The following PDE7B variants were observed in gnomAD, a reference collection of about 807,000 sequenced individuals.
PDE7B encodes 3',5'-cyclic-AMP phosphodiesterase 7B.
A neutral mutation model predicts 56.2 loss-of-function variants in PDE7B; 29 were observed. The ratio of observed to expected loss-of-function variants is 0.52; its 90% CI spans 0.38 to 0.70. The LOEUF is 0.70. Among genes scored for constraint, PDE7B ranks in the 30% least tolerant of loss-of-function variants. The pLI, the probability that PDE7B is intolerant of heterozygous loss-of-function variation, is 0.00. For missense variants in PDE7B, 490 were observed against 565.0 expected (o/e 0.87, Z 1.35); for synonymous variants, 197 against 196.9 (o/e 1.00, Z 0.00).
chr6:136,061,012 TA>T (rs1315481305), intron 2 of PDE7B, among the ~76,000 whole-genome samples: 1 of 152,178 alleles, frequency 6.6e-6, no homozygotes, highest in South Asian at 2.1e-4. Context: ...AATAATTATT[TA>T]CTGAATGCAT....
At chr6:135,947,425 T>C (rs767583383) in intron 1 of PDE7B, 39 bp from the exon 2 acceptor site, 2 of 1,487,412 alleles carry the variant, frequency 1.3e-6, no homozygotes, top group South Asian at 2.3e-5. Context: ...AATCTTGATA[T>C]GAAATCTTAA....
intron 2 of PDE7B, among the ~76,000 whole-genome samples, chr6:135,972,233 CAAAAAAAA>C (rs72005772): frequency 3.1e-5 from 2 of 65,190 alleles, no homozygotes; most frequent in East Asian, 5.5e-4. Context: ...AAACTGTTCT[CAAAAAAAA>C]AAAAAAAAAA....
chr6:135,919,986 AT>A (rs566784615), intron 1 of PDE7B, among the ~76,000 whole-genome samples: 48 of 152,146 alleles, frequency 3.2e-4, no homozygotes, highest in Admixed American at 6.5e-4. Context: ...TGCTATCCTT[AT>A]TTTATAAATA....
intron 2 of PDE7B, among the ~76,000 whole-genome samples, chr6:136,107,653 G>A (rs1391421896): frequency 1.3e-5 from 2 of 152,058 alleles, no homozygotes; most frequent in Admixed American, 1.3e-4. Flanking sequence ...TTATAAATGA[G>A]GCGTCTGAGG....
intron 2 of PDE7B, among the ~76,000 whole-genome samples, chr6:136,009,553 C>T (rs1367980218): frequency 6.6e-6 from 1 of 152,106 alleles, no homozygotes; most frequent in Non-Finnish European, 1.5e-5. Context: ...TCCTTCACAT[C>T]CCTTGTAAGT....
intron 1 of PDE7B, among the ~76,000 whole-genome samples, chr6:135,924,113 T>G (rs1360731892): frequency 6.6e-6 from 1 of 152,216 alleles, no homozygotes; most frequent in Admixed American, 6.5e-5. Context: ...TGAATAAATT[T>G]TCTAGACCTG....
chr6:136,018,621 TCAAAA>T (rs1554274183), intron 2 of PDE7B, among the ~76,000 whole-genome samples: 1 of 152,082 alleles, frequency 6.6e-6, no homozygotes, highest in Non-Finnish European at 1.5e-5. Context: ...CACAAGTAAC[TCAAAA>T]CAAAATAATA....
chr6:136,141,040 T>C lies in PDE7B; in HGVS notation c.167-6311T>C, dbSNP rs1008011324. ...GGTGAGAGAGGGCATCCCTGTATTGTGCCAGTTTTCAAAGGGAATGCTTCC... is the reference window on the plus strand; with the variant it reads ...GGTGAGAGAGGGCATCCCTGTATTGCGCCAGTTTTCAAAGGGAATGCTTCC... On this transcript the variant is annotated intron_variant, in intron 3 of 12. Coordinates refer to ENST00000308191, the MANE Select transcript of PDE7B (RefSeq NM_018945.4). 1.2e-4 allele frequency among the ~76,000 whole-genome samples: 18 copies of C among 152,310 alleles called. 1 individual carries two copies. The highest frequency in any genetic ancestry group is 3.8e-4 in the African/African-American group (16 of 41,564).
At chr6:135,977,836 A>G (rs796664174) in intron 2 of PDE7B, among the ~76,000 whole-genome samples, 5 of 151,960 alleles carry the variant, frequency 3.3e-5, no homozygotes, top group African/African-American at 1.2e-4. Context: ...GGCAAAAGTA[A>G]TTGTGGTTTT....
intron 3 of PDE7B, among the ~76,000 whole-genome samples, chr6:136,119,001 TAAGA>T (rs1263854398): frequency 2.0e-5 from 3 of 152,292 alleles, no homozygotes; most frequent in Non-Finnish European, 2.9e-5. Context: ...TGTTCTTTGA[TAAGA>T]AAGAAAAGGG....
chr6:135,985,796 C>T (rs950094160), intron 2 of PDE7B, among the ~76,000 whole-genome samples: 2 of 152,172 alleles, frequency 1.3e-5, no homozygotes, highest in Non-Finnish European at 2.9e-5. Flanking sequence ...GACGTACTAC[C>T]AAGTACAGAG....
intron 2 of PDE7B, chr6:135,991,849 A>G (rs1775484658): frequency 6.6e-6 from 1 of 152,220 alleles, no homozygotes. Flanking sequence ...TTCAACATGC[A>G]TGTTGATCGA....
In PDE7B at chr6:135,857,217, TC is replaced by T. The variant is rs200370846; in HGVS notation, c.21+5200del. Among the ~76,000 whole-genome samples the T allele has an allele frequency of 1.5e-3, 226 of 152,290 alleles. 4 individuals carry two copies. In the East Asian group the frequency reaches 0.038, roughly 25 times the overall value. On this transcript the variant is annotated intron_variant, in intron 1 of 12. Transcript: ENST00000308191. ...GTTTGGAGTAATACTTACTTTTTTT[TC>T]CTAGTGGTTGGTGAATTCATATAGT...
chr6:135,959,812 T>G (rs1050771391), intron 2 of PDE7B, among the ~76,000 whole-genome samples: 8 of 152,110 alleles, frequency 5.3e-5, no homozygotes, highest in Non-Finnish European at 1.2e-4. Context: ...CTCAGTTTGT[T>G]ACCCAGGCTG....
intron 1 of PDE7B, among the ~76,000 whole-genome samples, chr6:135,922,368 T>G (rs1282132800): frequency 6.6e-6 from 1 of 152,224 alleles, no homozygotes; most frequent in African/African-American, 2.4e-5. Flanking sequence ...AGGTCACAGC[T>G]GCCTGGCTTC....
Position 136,192,443 on chromosome 6 carries a change from G to T in PDE7B, c.*603G>T, listed in dbSNP as rs958013937. ...TCAATGTACCCAAACTTGAACAGGG[G>T]GTTCATTGTTTTGCTATTGACTTTA... is the stretch of plus-strand genomic sequence containing the variant. On this transcript the variant is annotated 3_prime_UTR_variant, in exon 13 of 13. Coordinates refer to ENST00000308191, the MANE Select transcript of PDE7B (RefSeq NM_018945.4). The T allele has an allele frequency of 4.6e-5, 7 of 152,142 alleles. No homozygotes were observed. The highest frequency in any genetic ancestry group is 1.4e-4 in the African/African-American group (6 of 41,408). The allele number at this position is 152,142 out of a possible 1,614,324, so 9.4% of individuals were successfully genotyped here. A position where few individuals can be genotyped will look rare whatever the true frequency, so the allele number is the denominator to read the frequency against.
At chr6:135,902,618 A>G (rs796180340) in intron 1 of PDE7B, among the ~76,000 whole-genome samples, 3 of 152,292 alleles carry the variant, frequency 2.0e-5, no homozygotes, top group South Asian at 2.1e-4. Context: ...CTGGAAAAAT[A>G]TATCTACTTT....
At chr6:136,102,915 T>C (rs1458283664) in intron 2 of PDE7B, among the ~76,000 whole-genome samples, 1 of 152,228 alleles carries the variant, frequency 6.6e-6, no homozygotes, top group Non-Finnish European at 1.5e-5. Flanking sequence ...GATGCAGTAT[T>C]GTTTGGCGAC....
chr6:136,028,026 T>A (rs1776182731), intron 2 of PDE7B, among the ~76,000 whole-genome samples: 1 of 152,172 alleles, frequency 6.6e-6, no homozygotes, highest in Non-Finnish European at 1.5e-5. Flanking sequence ...TGTGTCTGTC[T>A]CTCCACCAAA....
Sources: gnomAD v4.1 joint callset for allele counts (sites outside exome capture counted in the v4.1 genomes callset) on GRCh38, gnomAD v4.1.1 for gene constraint, MANE v1.5 for transcripts, NCBI Gene and HGNC (gene_info 2026-07-23, HGNC 2026-07-21) for gene names.